The following DDX4 variants were observed in gnomAD, a reference collection of about 807,000 sequenced individuals.
The protein encoded by DDX4 is DEAD-box helicase 4, also known as probable ATP-dependent RNA helicase DDX4.
A neutral mutation model predicts 100.0 loss-of-function variants in DDX4; 25 were observed. The observed-to-expected ratio is 0.25, with a 90% CI of 0.18 to 0.35. DDX4 has a LOEUF of 0.35. DDX4 is among the 10% of genes least tolerant of loss of function. The pLI is 1.00. For missense variants in DDX4, 635 were observed against 882.4 expected, an observed-to-expected ratio of 0.72 and a Z score of 3.55; for synonymous variants, 259 against 275.7, an observed-to-expected ratio of 0.94 and a Z score of 0.60.
At chr5:55,780,806 A>C (rs560641635) in intron 8 of DDX4, among the ~76,000 whole-genome samples, 3 of 152,340 alleles carry the variant, frequency 2.0e-5, no homozygotes, top group African/African-American at 7.2e-5. Flanking sequence ...TTTTAAATAC[A>C]TTTTGAGGAA....
chr5:55,805,681 A>T (rs1743651398), intron 18 of DDX4, among the ~76,000 whole-genome samples: 1 of 152,164 alleles, frequency 6.6e-6, no homozygotes, highest in Non-Finnish European at 1.5e-5. Context: ...AGCCCACTTG[A>T]TCATGGTGGA....
intron 14 of DDX4, 55 bp from the exon 15 acceptor site, chr5:55,787,791 A>G: frequency 1.9e-6 from 3 of 1,567,130 alleles, no homozygotes; most frequent in Non-Finnish European, 2.6e-6. Context: ...TTAGCTTTCC[A>G]TAGGGATAAA....
chr5:55,793,204 A>G (rs1742702834), intron 17 of DDX4, among the ~76,000 whole-genome samples: 1 of 152,112 alleles, frequency 6.6e-6, no homozygotes, highest in African/African-American at 2.4e-5. Context: ...AAATTCATAT[A>G]CCAATTATTG....
intron 3 of DDX4, among the ~76,000 whole-genome samples, chr5:55,746,707 C>T (rs898853256): frequency 1.3e-5 from 2 of 152,020 alleles, no homozygotes; most frequent in Non-Finnish European, 2.9e-5. Flanking sequence ...GTAAAGGAAC[C>T]CATATCCTTC....
At chr5:55,767,732 G>A in intron 6 of DDX4, 149 bp from the exon 7 acceptor site, 1 of 581,906 alleles carries the variant, frequency 1.7e-6, no homozygotes, top group Non-Finnish European at 3.0e-6. Flanking sequence ...TTATATATCT[G>A]TTAAAATTAT....
intron 18 of DDX4, among the ~76,000 whole-genome samples, chr5:55,806,259 C>A (rs1183387068): frequency 6.6e-6 from 1 of 152,064 alleles, no homozygotes; most frequent in Non-Finnish European, 1.5e-5. Context: ...TTTTGTTGAT[C>A]TTTTCAAAAA....
At chr5:55,742,052 G>T (rs919827445) in intron 2 of DDX4, 8 of 424,432 alleles carry the variant, frequency 1.9e-5, no homozygotes, top group South Asian at 1.4e-4. Flanking sequence ...CATTGTTCTA[G>T]TATAACAGAT....
intron 3 of DDX4, among the ~76,000 whole-genome samples, chr5:55,757,108 T>G (rs1315934912): frequency 1.3e-5 from 2 of 152,212 alleles, no homozygotes; most frequent in Non-Finnish European, 2.9e-5. Flanking sequence ...TGTACCATCA[T>G]TTTTATGTAT....
intron 3 of DDX4, among the ~76,000 whole-genome samples, chr5:55,752,227 C>T (rs190588759): frequency 1.9e-3 from 283 of 150,994 alleles, no homozygotes; most frequent in African/African-American, 6.4e-3. Flanking sequence ...TACATGTGCA[C>T]ATTGTGCAGG....
intron 4 of DDX4, among the ~76,000 whole-genome samples, chr5:55,762,825 A>G (rs777174249): frequency 6.6e-6 from 1 of 152,158 alleles, no homozygotes; most frequent in African/African-American, 2.4e-5. Flanking sequence ...AAGATTTTCA[A>G]TAGCAGTGAC....
Position 55,803,709 on chromosome 5 carries a change from C to G in DDX4, c.1615+5138C>G, listed in dbSNP as rs574691777. The stretch of plus-strand genomic sequence containing the variant: ...CCATGGTGTATATGTGCCACATTTT[C>G]TTAATCCAGTCTATCATTGTTGGAC... On this transcript the variant is annotated intron_variant, in intron 18 of 21. Transcript: ENST00000505374. Among the ~76,000 whole-genome samples the G allele has an allele frequency of 3.3e-5, 5 of 152,150 alleles. No individual in the cohort carries two copies. In the East Asian group the frequency reaches 9.6e-4, roughly 29 times the overall value.
At chr5:55,812,113 ATAGTT>A (rs1237678028) in intron 18 of DDX4, among the ~76,000 whole-genome samples, 1 of 152,196 alleles carries the variant, frequency 6.6e-6, no homozygotes, top group Non-Finnish European at 1.5e-5. Context: ...AAAGTTTAAT[ATAGTT>A]TAAAGTATAT....
intron 6 of DDX4, among the ~76,000 whole-genome samples, chr5:55,767,436 C>T (rs1740993781): frequency 6.6e-6 from 1 of 152,162 alleles, no homozygotes; most frequent in Non-Finnish European, 1.5e-5. Context: ...AGCTTGACTC[C>T]ATCTCCAAAA....
chr5:55,806,898 A>T (rs1411328795), intron 18 of DDX4, among the ~76,000 whole-genome samples: 2 of 151,644 alleles, frequency 1.3e-5, no homozygotes, highest in Non-Finnish European at 3.0e-5. Flanking sequence ...TTCTGTCTCG[A>T]TCTGTCTAAT....
chr5:55,790,434 C>CT lies in DDX4; in HGVS notation c.1173-141dup. On this transcript the variant is annotated intron_variant, in intron 15 of 21. Transcript: ENST00000505374. The stretch of plus-strand genomic sequence containing the variant: ...GTGCTGGGATTACAGGCGTGAGCCA[C>CT]TGCACCCAGCCAGAATTTAATATTT... 5 of 633,912 alleles carry CT rather than the reference C, an allele frequency of 7.9e-6. No individual in the cohort carries two copies. The South Asian group carries it at 1.0e-4, about 13-fold the overall frequency. 39.3% of individuals were successfully genotyped at this position (633,912 alleles called of 1,614,324 possible). A position where few individuals can be genotyped will look rare whatever the true frequency, so the allele number is the denominator to read the frequency against.
intron 17 of DDX4, 108 bp from the exon 18 acceptor site, chr5:55,798,318 A>G (rs1320548462): frequency 2.6e-6 from 3 of 1,140,462 alleles, no homozygotes; most frequent in Non-Finnish European, 3.7e-6. Flanking sequence ...TAGCTGTTAT[A>G]ATCTGCTGTC....
intron 17 of DDX4, among the ~76,000 whole-genome samples, chr5:55,795,819 C>A (rs181310005): frequency 2.6e-5 from 4 of 152,086 alleles, no homozygotes; most frequent in Admixed American, 2.6e-4. Flanking sequence ...AAGGACAGAA[C>A]CAATAATATA....
At chr5:55,803,000 C>A (rs1743421579) in intron 18 of DDX4, among the ~76,000 whole-genome samples, 1 of 151,710 alleles carries the variant, frequency 6.6e-6, no homozygotes, top group Admixed American at 6.6e-5. Flanking sequence ...GCACAACATG[C>A]AGGTTTGTTA....
chr5:55,790,426 G>T (rs975781695), intron 15 of DDX4, 150 bp from the exon 16 acceptor site: 1 of 601,816 alleles, frequency 1.7e-6, no homozygotes, highest in South Asian at 2.1e-5. Context: ...GATTACAGGC[G>T]TGAGCCACTG....
Sources: allele counts gnomAD v4.1 joint callset (sites outside exome capture counted in the v4.1 genomes callset), GRCh38; gene constraint gnomAD v4.1.1; transcripts MANE v1.5; gene names NCBI Gene and HGNC (gene_info 2026-07-23, HGNC 2026-07-21).